THSD4: variants seen among roughly 807,000 people sequenced by gnomAD.
The protein encoded by THSD4 is thrombospondin type 1 domain containing 4.
Under a neutral mutation model 119.0 loss-of-function variants are expected in THSD4, and 69 were observed. The observed-to-expected ratio is 0.58, with a 90% CI of 0.48 to 0.71. THSD4 has a LOEUF of 0.71. THSD4 is among the 30% of genes least tolerant of loss of function. The pLI, the probability that THSD4 is intolerant of heterozygous loss-of-function variation, is 0.00. For synonymous variants in THSD4, 524 were observed against 540.4 expected (o/e 0.97, Z 0.42); for missense variants, 1,393 against 1,391.1 (o/e 1.00, Z -0.02).
intron 3 of THSD4, among the ~76,000 whole-genome samples, chr15:71,160,172 C>G (rs938736404): frequency 1.3e-5 from 2 of 151,480 alleles, no homozygotes; most frequent in Non-Finnish European, 3.0e-5. Context: ...ATGAATCCCA[C>G]TTGATATTAG....
chr15:71,128,595 AAG>A (rs2040475575), intron 1 of THSD4, among the ~76,000 whole-genome samples: 1 of 152,118 alleles, frequency 6.6e-6, no homozygotes. Context: ...GAGGAGGAAA[AAG>A]AGAGTGGGAT....
intron 6 of THSD4, 148 bp downstream of exon 6, chr15:71,256,863 T>C (rs1198034566): frequency 7.5e-6 from 5 of 665,804 alleles, no homozygotes; most frequent in Non-Finnish European, 1.3e-5. Flanking sequence ...AAGAGAAGCC[T>C]GCATGGGTCT....
At chr15:71,171,309 A>G (rs979489944) in intron 3 of THSD4, among the ~76,000 whole-genome samples, 2 of 152,204 alleles carry the variant, frequency 1.3e-5, no homozygotes, top group African/African-American at 4.8e-5. Context: ...CATATTACAT[A>G]TATGGGAACA....
chr15:71,626,141 G>T (rs181094450), intron 7 of THSD4, among the ~76,000 whole-genome samples: 2 of 152,212 alleles, frequency 1.3e-5, no homozygotes, highest in East Asian at 3.9e-4. Flanking sequence ...TCTTTTTGTG[G>T]TTGGTTATTG....
At chr15:71,461,571 T>C (rs2047428530) in intron 7 of THSD4, among the ~76,000 whole-genome samples, 1 of 152,198 alleles carries the variant, frequency 6.6e-6, no homozygotes, top group Admixed American at 6.5e-5. Flanking sequence ...ATAGATCCTG[T>C]TGGGATTTAT....
chr15:71,156,873 A>C (rs1328760461), intron 3 of THSD4, among the ~76,000 whole-genome samples: 1 of 152,100 alleles, frequency 6.6e-6, no homozygotes, highest in African/African-American at 2.4e-5. Flanking sequence ...TCCTTGTTGA[A>C]TGACTGACTG....
At chr15:71,452,637 C>T (rs1025779945) in intron 7 of THSD4, among the ~76,000 whole-genome samples, 13 of 151,376 alleles carry the variant, frequency 8.6e-5, no homozygotes, top group Admixed American at 1.3e-4. Flanking sequence ...TTTTTTGAGA[C>T]GGAGTTTTGC....
At chr15:71,265,335 C>G (rs2044451215) in intron 6 of THSD4, among the ~76,000 whole-genome samples, 1 of 152,016 alleles carries the variant, frequency 6.6e-6, no homozygotes, top group Admixed American at 6.6e-5. Context: ...TCTGCATCAC[C>G]CAGGAAGCAC....
intron 2 of THSD4, among the ~76,000 whole-genome samples, chr15:71,143,746 C>G (rs1424822105): frequency 3.6e-5 from 5 of 139,290 alleles, no homozygotes; most frequent in African/African-American, 1.3e-4. Context: ...TTGCTTATCA[C>G]CCAGGCTGGA....
chr15:71,388,663 A>AGTGTGT (rs55923750), intron 6 of THSD4, among the ~76,000 whole-genome samples: 3 of 134,230 alleles, frequency 2.2e-5, no homozygotes, highest in African/African-American at 8.7e-5. Flanking sequence ...CTTTGGAGAG[A>AGTGTGT]GTGTGTGTGT....
At chr15:71,524,406 G>A (rs1238457690) in intron 7 of THSD4, among the ~76,000 whole-genome samples, 1 of 152,126 alleles carries the variant, frequency 6.6e-6, no homozygotes, top group Non-Finnish European at 1.5e-5. Flanking sequence ...GTTGCAGCAA[G>A]TATGTTTCAC....
chr15:71,657,889 C>T (rs1456465818), intron 7 of THSD4, among the ~76,000 whole-genome samples: 1 of 152,158 alleles, frequency 6.6e-6, no homozygotes, highest in African/African-American at 2.4e-5. Context: ...GATCAAATAA[C>T]ATTTTGTCTG....
At chr15:71,547,532 T>C in intron 7 of THSD4, 2 of 1,543,876 alleles carry the variant, frequency 1.3e-6, no homozygotes, top group Non-Finnish European at 8.7e-7. Context: ...TTCAGCATTA[T>C]ATTTCCTCTT....
Position 71,778,581 on chromosome 15 carries a change from G to C in THSD4, c.*1207G>C, listed in dbSNP as rs1487882812. ...CGTTCCTGGAGAGTCCGGCCAACCT[G>C]TCCCAGCCGAAACACTGCTGTATTA... On this transcript the variant is annotated 3_prime_UTR_variant, in exon 18 of 18. Transcript: ENST00000261862. The C allele has an allele frequency of 1.3e-5, 2 of 152,530 alleles. No homozygotes were observed. The highest frequency in any genetic ancestry group is 2.4e-5 in the African/African-American group (1 of 41,446). The allele number at this position is 152,530 out of a possible 1,614,324, so 9.4% of individuals were successfully genotyped here. A position where few individuals can be genotyped will look rare whatever the true frequency, so the allele number is the denominator to read the frequency against.
rs1567145194 is a variant in THSD4, at chr15:71,771,121, G to C, written c.2827G>C (p.Asp943His). 6.2e-7 allele frequency: 1 copy of C among 1,614,190 alleles called. No homozygotes were observed. Among genetic ancestry groups the C allele is most frequent in the Non-Finnish European group, 8.5e-7 (1 of 1,180,032 alleles). Residue 943 changes from aspartate (D) to histidine (H), a missense_variant, in exon 17 of 18, where the codon GAC becomes CAC. Transcript: ENST00000261862. Reference sequence around the variant, plus strand: ...CCGGGAAGTGCGGTGTCTGTCTGATGACATGACTCTAAGTAACCTCTGTGA... The same window carrying C: ...CCGGGAAGTGCGGTGTCTGTCTGATCACATGACTCTAAGTAACCTCTGTGA... ...RVREVRCLSD[D>H]MTLSNLCDPQ...
intron 7 of THSD4, among the ~76,000 whole-genome samples, chr15:71,539,489 GC>G (rs961541919): frequency 1.3e-5 from 2 of 152,124 alleles, no homozygotes; most frequent in Non-Finnish European, 2.9e-5. Context: ...GGTGACATCT[GC>G]TATGGTTTAC....
chr15:71,509,687 A>G (rs2048249203), intron 7 of THSD4, among the ~76,000 whole-genome samples: 1 of 152,194 alleles, frequency 6.6e-6, no homozygotes. Context: ...TCTTGCAGGC[A>G]GTAGGAACCA....
At chr15:71,266,972 C>A (rs1247121146) in intron 6 of THSD4, among the ~76,000 whole-genome samples, 1 of 151,922 alleles carries the variant, frequency 6.6e-6, no homozygotes. Flanking sequence ...ATGAAAAGAC[C>A]AAACCTATGT....
chr15:71,633,944 T>C (rs1441621835), intron 7 of THSD4, among the ~76,000 whole-genome samples: 1 of 152,142 alleles, frequency 6.6e-6, no homozygotes, highest in Non-Finnish European at 1.5e-5. Flanking sequence ...CCCAGTACTT[T>C]GGGAGGCCAA....
Sources: allele counts gnomAD v4.1 joint callset (sites outside exome capture counted in the v4.1 genomes callset), GRCh38; gene constraint gnomAD v4.1.1; transcripts MANE v1.5; gene names NCBI Gene and HGNC (gene_info 2026-07-23, HGNC 2026-07-21).